HAUS2: variants seen among roughly 807,000 people sequenced by gnomAD.
HAUS2 encodes the protein HAUS augmin-like complex subunit 2.
A neutral mutation model predicts 21.6 loss-of-function variants in HAUS2; 20 were observed. The observed-to-expected ratio is 0.93, with a 90% CI of 0.65 to 1.35. The LOEUF (loss-of-function observed/expected upper bound fraction) is 1.35, where lower values mean the gene tolerates loss of function less well. Ranked by LOEUF, HAUS2 falls within the 40% of genes most tolerant of loss-of-function variation. The pLI is 0.00. For synonymous variants in HAUS2, 113 were observed against 95.6 expected (o/e 1.18, Z -1.06); for missense variants, 297 against 280.7 (o/e 1.06, Z -0.42).
Position 42,548,870 on chromosome 15 carries a change from G to C in HAUS2, c.-3G>C, listed in dbSNP as rs2057685004. ...GCGCCTTCGCGGAAGGTGCGTCCGA[G>C]CCATGGCCGCTGCCAACCCGTGGGA... On this transcript the variant is annotated 5_prime_UTR_variant, in exon 1 of 6. Coordinates refer to ENST00000260372, the MANE Select transcript of HAUS2 (RefSeq NM_018097.3). 3 of 1,548,356 alleles carry C rather than the reference G, an allele frequency of 1.9e-6. No homozygotes were observed. Among genetic ancestry groups the C allele is most frequent in the East Asian group, 2.4e-5 (1 of 40,944 alleles).
At position 42,569,709 on chromosome 15, in the gene HAUS2, C is replaced by T. The variant is rs2057942002; in HGVS notation, c.*2893C>T. Reference sequence around the variant, plus strand: ...TAAATCCTGCTAAAACAACAGGAATCATGTTTTAAAGCCTAGTTTGCTAAT... The same window carrying T: ...TAAATCCTGCTAAAACAACAGGAATTATGTTTTAAAGCCTAGTTTGCTAAT... On this transcript the variant is annotated 3_prime_UTR_variant, in exon 6 of 6. Transcript: ENST00000260372. 1 of 152,178 alleles carries T rather than the reference C, an allele frequency of 6.6e-6. No homozygotes were observed. Among genetic ancestry groups the T allele is most frequent in the Admixed American group, 6.5e-5 (1 of 15,268 alleles). The allele number at this position is 152,178 out of a possible 1,614,324, so 9.4% of individuals were successfully genotyped here.
At chr15:42,552,109 G>A (rs575727542) in intron 1 of HAUS2, among the ~76,000 whole-genome samples, 3 of 151,592 alleles carry the variant, frequency 2.0e-5, no homozygotes, top group African/African-American at 4.9e-5. Context: ...TGCAACCTCC[G>A]CCTCCTTGGT....
In HAUS2 at chr15:42,548,971, T is replaced by TG. The variant is rs1250754806; in HGVS notation, c.93+11dup. The stretch of plus-strand genomic sequence containing the variant: ...CTTCGGGGATGGTCAATCAGGTACG[T>TG]GGGGGTGGCGGTGGTGTCATCAAGG... On this transcript the variant is annotated splice_region_variant and intron_variant, in intron 1 of 5. Transcript: ENST00000260372. 6.6e-7 allele frequency: 1 copy of TG among 1,522,258 alleles called. No homozygotes were observed. The highest frequency in any genetic ancestry group is 2.0e-5 in the Admixed American group (1 of 50,694). 94.3% of individuals were successfully genotyped at this position (1,522,258 alleles called of 1,614,324 possible).
At position 42,569,775 on chromosome 15, in the gene HAUS2, T is replaced by G. The variant is rs925020501; in HGVS notation, c.*2959T>G. ...AAGAGTGATCGTAATATCTCGAACA[T>G]TACATAGACACTTAAAACCTTTAGT... On this transcript the variant is annotated 3_prime_UTR_variant, in exon 6 of 6. Coordinates refer to ENST00000260372, the MANE Select transcript of HAUS2 (RefSeq NM_018097.3). 3.9e-5 allele frequency: 6 copies of G among 152,214 alleles called. No homozygotes were observed. The highest frequency in any genetic ancestry group is 1.4e-4 in the African/African-American group (6 of 41,452). The allele number at this position is 152,214 out of a possible 1,614,324, so 9.4% of individuals were successfully genotyped here. A position where few individuals can be genotyped will look rare whatever the true frequency, so the allele number is the denominator to read the frequency against.
chr15:42,551,859 G>GTCCCACTCCATAGCTCCTTAAGA (rs1179798850), intron 1 of HAUS2, among the ~76,000 whole-genome samples: 2 of 152,018 alleles, frequency 1.3e-5, no homozygotes, highest in Admixed American at 6.6e-5. Flanking sequence ...CAGTTAACAT[G>GTCCCACTCCATAGCTCCTTAAGA]TCCCACTCCA....
At position 42,568,156 on chromosome 15, in the gene HAUS2, C is replaced by T. The variant is rs1250355640; in HGVS notation, c.*1340C>T. 4 of 152,196 alleles carry T rather than the reference C, an allele frequency of 2.6e-5. No individual in the cohort carries two copies. 9.4% of individuals were successfully genotyped at this position (152,196 alleles called of 1,614,324 possible). A position where few individuals can be genotyped will look rare whatever the true frequency, so the allele number is the denominator to read the frequency against. ...CAGCCTGACTTATCCTTTGAAAGGC[C>T]TGATTATAAGGTTTGTCCTCAGCTG... On this transcript the variant is annotated 3_prime_UTR_variant, in exon 6 of 6. Transcript: ENST00000260372.
At chr15:42,560,346 A>G (rs999094302) in intron 3 of HAUS2, among the ~76,000 whole-genome samples, 1 of 152,072 alleles carries the variant, frequency 6.6e-6, no homozygotes, top group Non-Finnish European at 1.5e-5. Context: ...AAAAAATATC[A>G]TGCTGTCTGC....
chr15:42,563,639 G>A (rs1189689671), intron 4 of HAUS2, 110 bp from the exon 5 acceptor site: 2 of 703,792 alleles, frequency 2.8e-6, no homozygotes, highest in East Asian at 5.1e-5. Flanking sequence ...TGGCTCTCTA[G>A]GTTGATTGTA....
In HAUS2 at chr15:42,559,364, A is replaced by T; in HGVS notation, c.212A>T (p.Lys71Ile). Residue 71 changes from lysine (K) to isoleucine (I), a missense_variant, in exon 3 of 6, where the codon AAA becomes ATA. Physicochemically the swap from Lys to Ile is moderately radical, Grantham distance 102 (BLOSUM62 -3). Transcript: ENST00000260372. ...AAAAACCTGGAAATTGAACTCCTGA[A>T]ACTAGAAAAAGATACAGCAGATGTT... ...YQKNLEIELL[K>I]LEKDTADVVH... 6.2e-7 allele frequency: 1 copy of T among 1,606,038 alleles called. No individual in the cohort carries two copies. Among genetic ancestry groups the T allele is most frequent in the South Asian group, 1.1e-5 (1 of 90,906 alleles).
chr15:42,560,697 T>C, intron 3 of HAUS2: 1 of 663,994 alleles, frequency 1.5e-6, no homozygotes, highest in Non-Finnish European at 2.7e-6. Flanking sequence ...CAACACGTGG[T>C]TTCAACTGAT....
At position 42,568,484 on chromosome 15, in the gene HAUS2, T is replaced by C. The variant is rs577298146; in HGVS notation, c.*1668T>C. On this transcript the variant is annotated 3_prime_UTR_variant, in exon 6 of 6. Coordinates refer to ENST00000260372, the MANE Select transcript of HAUS2 (RefSeq NM_018097.3). ...GCAAAGCCCTCCTTACCTAATTACT[T>C]TTTAAAGGTCTCATAACACTTTTAC... 30 of 152,368 alleles carry C rather than the reference T, an allele frequency of 2.0e-4. No homozygotes were observed. Among genetic ancestry groups the C allele is most frequent in the African/African-American group, 6.7e-4 (28 of 41,584 alleles). The allele number at this position is 152,368 out of a possible 1,614,324, so 9.4% of individuals were successfully genotyped here. A position where few individuals can be genotyped will look rare whatever the true frequency, so the allele number is the denominator to read the frequency against.
intron 5 of HAUS2, among the ~76,000 whole-genome samples, chr15:42,566,040 A>G (rs972851022): frequency 1.3e-5 from 2 of 152,240 alleles, no homozygotes; most frequent in South Asian, 4.2e-4. Flanking sequence ...GTCTCTACTA[A>G]AAATACAAAA....
In HAUS2 at chr15:42,548,936, C is replaced by A. The variant is rs2057686941; in HGVS notation, c.64C>A (p.His22Asn). Reference sequence around the variant, plus strand: ...TAACGGCGCTGGGCTAGTGCTAGGCCACTTCATAGCTTCGGGGATGGTCAA... The same window carrying A: ...TAACGGCGCTGGGCTAGTGCTAGGCAACTTCATAGCTTCGGGGATGGTCAA... ...APNGAGLVLG[H>N]FIASGMVNQE... Residue 22 changes from histidine (H) to asparagine (N), a missense_variant, in exon 1 of 6, where the codon CAC becomes AAC. By Grantham distance (68) the His-to-Asn change is moderately conservative. Transcript: ENST00000260372. 1.3e-6 allele frequency: 2 copies of A among 1,551,904 alleles called. No homozygotes were observed. The highest frequency in any genetic ancestry group is 1.7e-6 in the Non-Finnish European group (2 of 1,146,602).
chr15:42,549,009 T>G (rs1595542319), intron 1 of HAUS2, 44 bp downstream of exon 1: 1 of 1,266,274 alleles, frequency 7.9e-7, no homozygotes. Context: ...GTGCCCAAGG[T>G]GGCAACAATA....
At chr15:42,564,136 C>G (rs530038827) in intron 5 of HAUS2, among the ~76,000 whole-genome samples, 1 of 151,690 alleles carries the variant, frequency 6.6e-6, no homozygotes, top group African/African-American at 2.4e-5. Flanking sequence ...CATGGTGGTG[C>G]GTGCCTGTAA....
At chr15:42,555,582 T>G (rs554946506) in intron 1 of HAUS2, among the ~76,000 whole-genome samples, 2 of 152,336 alleles carry the variant, frequency 1.3e-5, no homozygotes, top group South Asian at 4.1e-4. Flanking sequence ...ATCTTACCCC[T>G]CTTTTCACAT....
intron 3 of HAUS2, among the ~76,000 whole-genome samples, 192 bp downstream of exon 3, chr15:42,559,600 G>A (rs2057828173): frequency 6.6e-6 from 1 of 152,112 alleles, no homozygotes; most frequent in South Asian, 2.1e-4. Flanking sequence ...AGCATAAAAA[G>A]TCACCAAATT....
At chr15:42,564,567 A>G (rs1193070196) in intron 5 of HAUS2, among the ~76,000 whole-genome samples, 1 of 152,224 alleles carries the variant, frequency 6.6e-6, no homozygotes, top group Admixed American at 6.5e-5. Flanking sequence ...AAGAGATGCC[A>G]TCTATTGAGC....
At position 42,549,056 on chromosome 15, in the gene HAUS2, G is replaced by T. The variant is rs543883377; in HGVS notation, c.93+91G>T. The T allele has an allele frequency of 5.8e-4, 487 of 837,886 alleles. 1 individual carries two copies. The highest frequency in any genetic ancestry group is 8.6e-4 in the Non-Finnish European group (435 of 506,626). The allele number at this position is 837,886 out of a possible 1,614,324, so 51.9% of individuals were successfully genotyped here. A position where few individuals can be genotyped will look rare whatever the true frequency, so the allele number is the denominator to read the frequency against. On this transcript the variant is annotated intron_variant, in intron 1 of 5. Transcript: ENST00000260372. The stretch of plus-strand genomic sequence containing the variant: ...TGGTGCTGCTGGCTGTGGGAGTGGT[G>T]AGGGTCCTGGTTGGGGTCTGTACTA...
Sources: allele counts gnomAD v4.1 joint callset (sites outside exome capture counted in the v4.1 genomes callset), GRCh38; gene constraint gnomAD v4.1.1; transcripts MANE v1.5; gene names NCBI Gene and HGNC (gene_info 2026-07-23, HGNC 2026-07-21).